HAUS8: variants seen among roughly 807,000 people sequenced by gnomAD.
HAUS8 encodes HAUS augmin-like complex subunit 8.
Under a neutral mutation model 42.9 loss-of-function variants are expected in HAUS8, and 38 were observed. The observed-to-expected ratio is 0.89, with a 90% CI of 0.68 to 1.16. The LOEUF (loss-of-function observed/expected upper bound fraction) is 1.16. HAUS8 is among the 50% of genes most tolerant of loss of function. HAUS8 has a pLI of 0.00. For missense variants in HAUS8, 494 were observed against 511.6 expected (o/e 0.97, Z 0.33); for synonymous variants, 199 against 205.8 (o/e 0.97, Z 0.28).
rs1398990953 is a variant in HAUS8, at chr19:17,069,100, C to T, written c.92-14G>A. 6.2e-7 allele frequency: 1 copy of T among 1,611,394 alleles called. No individual in the cohort carries two copies. Among genetic ancestry groups the T allele is most frequent in the African/African-American group, 1.3e-5 (1 of 74,992 alleles). The stretch of plus-strand genomic sequence containing the variant: ...TCACTCTTCCACCTGTGGGGACACA[C>T]TGTTGGTGCACAACAAAACTACAAA... On this transcript the variant is annotated splice_polypyrimidine_tract_variant and intron_variant, in intron 2 of 10. Transcript: ENST00000253669.
intron 3 of HAUS8, among the ~76,000 whole-genome samples, chr19:17,063,323 C>T (rs1568638988): frequency 6.6e-6 from 1 of 152,184 alleles, no homozygotes; most frequent in Non-Finnish European, 1.5e-5. Context: ...CACACCACTG[C>T]ACCCCATCCT....
At chr19:17,069,134 G>C in intron 2 of HAUS8, 48 bp from the exon 3 acceptor site, 1 of 1,551,624 alleles carries the variant, frequency 6.4e-7, no homozygotes, top group Non-Finnish European at 8.9e-7. Context: ...AAGGACCGAA[G>C]ACCCCACACA....
At chr19:17,053,683 G>C (rs540571429) in intron 9 of HAUS8, 27 of 142,706 alleles carry the variant, frequency 1.9e-4, no homozygotes, top group Non-Finnish European at 3.8e-4. Flanking sequence ...TTTTTTTTGA[G>C]ACAGAGTCTT....
At chr19:17,062,832 A>G (rs2123373143) in intron 3 of HAUS8, 53 bp from the exon 4 acceptor site, 1 of 1,356,118 alleles carries the variant, frequency 7.4e-7, no homozygotes. Flanking sequence ...CCTTCACAAC[A>G]ACGGGCCCTG....
rs976516939 is a variant in HAUS8, at chr19:17,055,765, G to C, written c.787+96C>G. On this transcript the variant is annotated intron_variant, in intron 9 of 10. Transcript: ENST00000253669. ...CATCCTCTGCCTTAGTTGGGGAAGAGGGCACTTGCGGTGATGACATCAGGC... is the reference window on the plus strand; with the variant it reads ...CATCCTCTGCCTTAGTTGGGGAAGACGGCACTTGCGGTGATGACATCAGGC... The C allele has an allele frequency of 2.2e-6, 3 of 1,339,488 alleles. No individual in the cohort carries two copies. The Admixed American group carries it at 6.5e-5, about 29-fold the overall frequency. 83.0% of individuals were successfully genotyped at this position (1,339,488 alleles called of 1,614,324 possible).
chr19:17,058,754 C>G, intron 7 of HAUS8, 47 bp from the exon 8 acceptor site: 1 of 1,605,920 alleles, frequency 6.2e-7, no homozygotes, highest in Non-Finnish European at 8.5e-7. Context: ...ACTCCCTCCC[C>G]GTGAATGGAG....
intron 3 of HAUS8, among the ~76,000 whole-genome samples, chr19:17,064,795 G>A (rs1324522710): frequency 6.6e-6 from 1 of 152,172 alleles, no homozygotes; most frequent in Non-Finnish European, 1.5e-5. Flanking sequence ...CTTGGATTAG[G>A]TGGAGATATC....
chr19:17,073,530 G>A (rs1459276229), intron 1 of HAUS8, 195 bp from the exon 2 acceptor site: 2 of 613,700 alleles, frequency 3.3e-6, no homozygotes, highest in Non-Finnish European at 5.9e-6. Context: ...TGGGCAAGAA[G>A]GCATAGGTGA....
At chr19:17,053,164 C>T in intron 9 of HAUS8, 198 bp from the exon 10 acceptor site, 1 of 614,064 alleles carries the variant, frequency 1.6e-6, no homozygotes, top group Non-Finnish European at 2.9e-6. Flanking sequence ...GTGGGACAGG[C>T]ACATCCATCT....
chr19:17,068,791 T>C (rs2057403327), intron 3 of HAUS8, among the ~76,000 whole-genome samples: 1 of 151,910 alleles, frequency 6.6e-6, no homozygotes, highest in African/African-American at 2.4e-5. Flanking sequence ...GTAAGAACGA[T>C]ACCATGTTTC....
At chr19:17,051,138 C>T (rs1481268239) in intron 10 of HAUS8, among the ~76,000 whole-genome samples, 1 of 152,046 alleles carries the variant, frequency 6.6e-6, no homozygotes, top group Non-Finnish European at 1.5e-5. Flanking sequence ...GAACATTCTG[C>T]CGTTCATGGA....
In HAUS8 at chr19:17,054,993, T is replaced by C. The variant is rs933327882; in HGVS notation, c.787+868A>G. 2.1e-5 allele frequency: 3 copies of C among 145,670 alleles called. No individual in the cohort carries two copies. The South Asian group carries it at 6.6e-4, about 32-fold the overall frequency. The allele number at this position is 145,670 out of a possible 1,614,324, so 9.0% of individuals were successfully genotyped here. Reference sequence around the variant, plus strand: ...CACCTCCGCAGAAAAAAAAGAACAATGGCAGGGCATGGTGACTCATGTCTA... The same window carrying C: ...CACCTCCGCAGAAAAAAAAGAACAACGGCAGGGCATGGTGACTCATGTCTA... On this transcript the variant is annotated intron_variant, in intron 9 of 10. Transcript: ENST00000253669.
rs76940585 is a variant in HAUS8 at position 17,053,070 on chromosome 19, G to A, written c.788-104C>T. 7.5e-4 allele frequency: 1,045 copies of A among 1,390,350 alleles called. 19 individuals are homozygous for A. The East Asian group carries it at 0.022, about 29-fold the overall frequency. 86.1% of individuals were successfully genotyped at this position (1,390,350 alleles called of 1,614,324 possible). ...ACTTCTGTCATGATGCTCGGCTATC[G>A]CGCTGGAACCGTGGAGAGCGCACAG... On this transcript the variant is annotated intron_variant, in intron 9 of 10. Transcript: ENST00000253669.
chr19:17,050,320 G>A (rs555467385), intron 10 of HAUS8, 144 bp from the exon 11 acceptor site: 35 of 481,844 alleles, frequency 7.3e-5, no homozygotes, highest in African/African-American at 5.8e-4. Flanking sequence ...AATAAGATCC[G>A]TCTGAAAAGA....
At chr19:17,055,029 A>G (rs76050921) in intron 9 of HAUS8, 1 of 142,426 alleles carries the variant, frequency 7.0e-6, no homozygotes, top group Non-Finnish European at 1.5e-5. Flanking sequence ...TAATCCCAGC[A>G]CTTTGGGAGG....
chr19:17,072,723 G>A (rs192323360), intron 2 of HAUS8, among the ~76,000 whole-genome samples: 76 of 151,794 alleles, frequency 5.0e-4, no homozygotes, highest in African/African-American at 1.5e-3. Flanking sequence ...ATCTTGGCTC[G>A]TGGGGGAGGC....
chr19:17,058,437 A>T, intron 8 of HAUS8, 112 bp downstream of exon 8: 1 of 1,079,290 alleles, frequency 9.3e-7, no homozygotes, highest in Non-Finnish European at 1.3e-6. Flanking sequence ...AGCCCAACAC[A>T]GTTAGAAGCC....
At chr19:17,067,136 C>T (rs1485833569) in intron 3 of HAUS8, among the ~76,000 whole-genome samples, 4 of 145,848 alleles carry the variant, frequency 2.7e-5, no homozygotes, top group Non-Finnish European at 5.9e-5. Flanking sequence ...ATCCAGAAGG[C>T]GGAGGTTGCA....
intron 2 of HAUS8, 92 bp downstream of exon 2, chr19:17,073,182 G>T: frequency 8.9e-7 from 1 of 1,119,094 alleles, no homozygotes; most frequent in Non-Finnish European, 1.4e-6. Context: ...AAAGCCACAG[G>T]CCCCCTTCTC....
Sources: allele counts gnomAD v4.1 joint callset (sites outside exome capture counted in the v4.1 genomes callset), GRCh38; gene constraint gnomAD v4.1.1; transcripts MANE v1.5; gene names NCBI Gene and HGNC (gene_info 2026-07-23, HGNC 2026-07-21).